Variants in GALNT13 observed in about 807,000 individuals in gnomAD.
GALNT13 encodes polypeptide N-acetylgalactosaminyltransferase 13.
A neutral mutation model predicts 64.2 loss-of-function variants in GALNT13; 28 were observed. The observed-to-expected ratio is 0.44, with a 90% CI of 0.32 to 0.60. The LOEUF (loss-of-function observed/expected upper bound fraction) is 0.60, where lower values mean the gene tolerates loss of function less well. GALNT13 is among the 20% of genes least tolerant of loss of function. The probability of loss-of-function intolerance (pLI) is 0.05; values close to 1 mark genes in which losing one functional copy is unlikely to be tolerated. For synonymous variants in GALNT13, 214 were observed against 224.6 expected (o/e 0.95, Z 0.42); for missense variants, 577 against 669.8 (o/e 0.86, Z 1.53).
At chr2:153,177,883 C>T in the GALNT13 span, among the ~76,000 whole-genome samples, 1,028 of 152,208 alleles carry the variant, frequency 6.8e-3, 10 homozygotes, top group African/African-American at 0.023. Context: ...CCCATCATAC[C>T]CCTAGGCTTT....
the GALNT13 span, among the ~76,000 whole-genome samples, chr2:153,294,131 C>A: frequency 6.6e-6 from 1 of 150,652 alleles, no homozygotes; most frequent in South Asian, 2.1e-4. Context: ...CCTATCTTTT[C>A]TTTTTTAACT....
chr2:153,248,831 A>G, the GALNT13 span, among the ~76,000 whole-genome samples: 1 of 45,710 alleles, frequency 2.2e-5, no homozygotes, highest in Non-Finnish European at 5.4e-5. Flanking sequence ...AAAAAAAAGA[A>G]AAAAAAGAAA....
chr2:154,307,460 C>T (rs188801488), intron 9 of GALNT13, among the ~76,000 whole-genome samples: 5 of 152,238 alleles, frequency 3.3e-5, no homozygotes, highest in Admixed American at 3.3e-4. Context: ...TGAGTTTTTT[C>T]ACAATATCTA....
the GALNT13 span, among the ~76,000 whole-genome samples, chr2:153,280,976 A>G: frequency 6.6e-6 from 1 of 152,182 alleles, no homozygotes; most frequent in South Asian, 2.1e-4. Flanking sequence ...GAAGTCCCCC[A>G]CTATTATTGT....
At chr2:153,998,261 T>A (rs78850763) in intron 3 of GALNT13, among the ~76,000 whole-genome samples, 5 of 151,962 alleles carry the variant, frequency 3.3e-5, no homozygotes, top group African/African-American at 1.2e-4. Context: ...GTCCCACCAA[T>A]AGTGTAAAAG....
At chr2:154,126,600 A>T (rs1292149138) in intron 3 of GALNT13, among the ~76,000 whole-genome samples, 1 of 151,116 alleles carries the variant, frequency 6.6e-6, no homozygotes. Flanking sequence ...GCGCCATTGC[A>T]CTCCAGCCCG....
intron 3 of GALNT13, among the ~76,000 whole-genome samples, chr2:154,040,645 C>A (rs1023329252): frequency 7.1e-6 from 1 of 140,028 alleles, no homozygotes; most frequent in Non-Finnish European, 1.6e-5. Context: ...AGGGATTAGA[C>A]AATATCCACT....
At chr2:153,698,771 C>G in the GALNT13 span, among the ~76,000 whole-genome samples, 1 of 152,322 alleles carries the variant, frequency 6.6e-6, no homozygotes, top group African/African-American at 2.4e-5. Flanking sequence ...CCACCCCAAT[C>G]AACAGAATAT....
At chr2:153,971,126 T>C (rs1327285993) in intron 3 of GALNT13, among the ~76,000 whole-genome samples, 1 of 152,188 alleles carries the variant, frequency 6.6e-6, no homozygotes, top group Non-Finnish European at 1.5e-5. Context: ...TCTTGCTAAC[T>C]CTTCTGTATG....
intron 9 of GALNT13, among the ~76,000 whole-genome samples, chr2:154,346,575 C>T (rs894165333): frequency 2.0e-5 from 3 of 151,984 alleles, no homozygotes; most frequent in African/African-American, 7.2e-5. Flanking sequence ...TCTCATTTTC[C>T]CTTGTCTGCC....
At chr2:153,461,257 A>G in the GALNT13 span, among the ~76,000 whole-genome samples, 1 of 152,068 alleles carries the variant, frequency 6.6e-6, no homozygotes. Flanking sequence ...AACATGCAGG[A>G]AAAAAAGGAA....
At chr2:154,102,857 A>G (rs1702420695) in intron 3 of GALNT13, among the ~76,000 whole-genome samples, 2 of 152,104 alleles carry the variant, frequency 1.3e-5, no homozygotes, top group Admixed American at 6.6e-5. Context: ...AGCTTGTTGC[A>G]TTGAATGCTT....
the GALNT13 span, among the ~76,000 whole-genome samples, chr2:153,584,013 C>T: frequency 3.5e-4 from 54 of 152,230 alleles, no homozygotes; most frequent in South Asian, 1.5e-3. Flanking sequence ...TACAAACCAT[C>T]GGCACTGACT....
chr2:154,113,738 G>A (rs1242811218), intron 3 of GALNT13, among the ~76,000 whole-genome samples: 1 of 152,202 alleles, frequency 6.6e-6, no homozygotes, highest in East Asian at 1.9e-4. Flanking sequence ...TTGCAGAAGT[G>A]AAGTGATCAT....
intron 4 of GALNT13, among the ~76,000 whole-genome samples, chr2:154,185,555 TG>T (rs1261122811): frequency 1.3e-5 from 2 of 151,964 alleles, no homozygotes; most frequent in Non-Finnish European, 2.9e-5. Flanking sequence ...TTTTACTTTT[TG>T]TTTCTTTGAC....
the GALNT13 span, among the ~76,000 whole-genome samples, chr2:153,555,041 A>G: frequency 1.3e-5 from 2 of 152,054 alleles, no homozygotes; most frequent in Non-Finnish European, 2.9e-5. Context: ...TAAATGAAAA[A>G]AATTTAACTC....
the GALNT13 span, among the ~76,000 whole-genome samples, chr2:153,806,639 A>C: frequency 2.6e-5 from 4 of 151,522 alleles, no homozygotes; most frequent in Non-Finnish European, 5.9e-5. Flanking sequence ...AAGGGGTTGA[A>C]CATGAGTCTG....
the GALNT13 span, among the ~76,000 whole-genome samples, chr2:153,688,461 A>G: frequency 3.9e-5 from 6 of 151,996 alleles, no homozygotes; most frequent in African/African-American, 1.4e-4. Context: ...CTCTTTTGAA[A>G]TATGTTTCCA....
intron 9 of GALNT13, among the ~76,000 whole-genome samples, chr2:154,383,953 A>T (rs1317081800): frequency 6.6e-6 from 1 of 151,966 alleles, no homozygotes; most frequent in African/African-American, 2.4e-5. Context: ...AGGGCACATG[A>T]CAGAGCTCTG....
Sources: gnomAD v4.1 joint callset for allele counts (sites outside exome capture counted in the v4.1 genomes callset) on GRCh38, gnomAD v4.1.1 for gene constraint, MANE v1.5 for transcripts, NCBI Gene and HGNC (gene_info 2026-07-23, HGNC 2026-07-21) for gene names.